TYW1B: variants seen among roughly 807,000 people sequenced by gnomAD.
TYW1B encodes the protein tRNA-yW synthesizing protein 1 homolog B.
Under a neutral mutation model 86.9 loss-of-function variants are expected in TYW1B, and 73 were observed. That is an observed-to-expected ratio of 0.84 (90% confidence interval 0.70 to 1.02). The LOEUF (loss-of-function observed/expected upper bound fraction) is 1.02, where lower values mean the gene tolerates loss of function less well. TYW1B is among the 50% of genes least tolerant of loss of function. The pLI is 0.00. For synonymous variants in TYW1B, 248 were observed against 292.8 expected, an observed-to-expected ratio of 0.85 and a Z score of 1.56; for missense variants, 637 against 827.4, an observed-to-expected ratio of 0.77 and a Z score of 2.82.
chr7:72,619,484 A>G (rs1554437560), intron 12 of TYW1B, among the ~76,000 whole-genome samples: 2 of 151,712 alleles, frequency 1.3e-5, no homozygotes, highest in East Asian at 1.9e-4. Flanking sequence ...TACTAAAAAT[A>G]CAAAAAATTA....
chr7:72,609,078 A>C (rs1811869175), intron 13 of TYW1B, among the ~76,000 whole-genome samples: 1 of 152,214 alleles, frequency 6.6e-6, no homozygotes, highest in Non-Finnish European at 1.5e-5. Context: ...GGGGGAAACT[A>C]CATGAAGGGT....
chr7:72,685,587 C>G (rs1176638080), intron 11 of TYW1B, among the ~76,000 whole-genome samples: 2 of 136,334 alleles, frequency 1.5e-5, no homozygotes, highest in Non-Finnish European at 3.2e-5. Flanking sequence ...ACAAATAGTG[C>G]TGGAACTAGA....
rs1788222471 is a variant in TYW1B, at chr7:72,791,679, A to C, written c.846+10721T>G. Among the ~76,000 whole-genome samples, 8 of 152,274 alleles carry C rather than the reference A, an allele frequency of 5.3e-5. No individual in the cohort carries two copies. The South Asian group carries it at 1.7e-3, about 32-fold the overall frequency. On this transcript the variant is annotated intron_variant, in intron 6 of 13. Coordinates refer to ENST00000620995, the MANE Select transcript of TYW1B (RefSeq NM_001145440.3). ...GTAGTCCCAGCTACTCGGGAGGCTA[A>C]AGCAGGAGAATCGCTTGAACCTGGA... is the stretch of plus-strand genomic sequence containing the variant.
intron 12 of TYW1B, among the ~76,000 whole-genome samples, chr7:72,619,815 T>C (rs1183553729): frequency 5.3e-5 from 8 of 152,222 alleles, no homozygotes; most frequent in African/African-American, 1.9e-4. Flanking sequence ...CAAACAACCA[T>C]GTATGCAGTA....
At position 72,815,683 on chromosome 7, in the gene TYW1B, C is replaced by G. The variant is rs149521503; in HGVS notation, c.136-202G>C. On this transcript the variant is annotated intron_variant, in intron 2 of 13. Coordinates refer to ENST00000620995, the MANE Select transcript of TYW1B (RefSeq NM_001145440.3). The stretch of plus-strand genomic sequence containing the variant: ...TTCAATTGTGTTGTTCTCACCCGAT[C>G]AGGGTTTACGTAGGACTGAATCTAA... Among the ~76,000 whole-genome samples the G allele has an allele frequency of 3.1e-3, 478 of 152,218 alleles. 4 individuals are homozygous for G. The highest frequency in any genetic ancestry group is 0.011 in the African/African-American group (444 of 41,548).
At position 72,632,346 on chromosome 7, in the gene TYW1B, T is replaced by TTATATATATACG. The variant is rs1315850269; in HGVS notation, c.1507-3350_1507-3349insCGTATATATATA. On this transcript the variant is annotated intron_variant, in intron 11 of 13. Coordinates refer to ENST00000620995, the MANE Select transcript of TYW1B (RefSeq NM_001145440.3). Reference sequence around the variant, plus strand: ...TTATATATATATACACGTATATATATTATATATATTATATATATACGCATA... The same window carrying TTATATATATACG: ...TTATATATATATACACGTATATATATTATATATATACGTATATATATTATATATATACGCATA... Among the ~76,000 whole-genome samples the TTATATATATACG allele has an allele frequency of 1.1e-4, 11 of 103,580 alleles. No homozygotes were observed. In the South Asian group the frequency reaches 2.2e-3, roughly 20 times the overall value. 68.0% of individuals were successfully genotyped at this position (103,580 alleles called of 152,430 possible).
chr7:72,802,615 C>G, intron 5 of TYW1B, 93 bp from the exon 6 acceptor site: 1 of 1,482,710 alleles, frequency 6.7e-7, no homozygotes, highest in Non-Finnish European at 8.9e-7. Context: ...CACTATGTCT[C>G]TAAATTCTTT....
intron 6 of TYW1B, among the ~76,000 whole-genome samples, chr7:72,779,854 C>T (rs1445857344): frequency 2.2e-5 from 3 of 134,422 alleles, no homozygotes. Flanking sequence ...TCAAATGTAC[C>T]AAATGAGAAA....
At chr7:72,735,729 G>T (rs1275897883) in intron 8 of TYW1B, among the ~76,000 whole-genome samples, 13 of 151,998 alleles carry the variant, frequency 8.6e-5, no homozygotes, top group Admixed American at 2.0e-4. Context: ...AATTATCCGG[G>T]CTTGGTGGCG....
At chr7:72,733,434 C>T (rs1221256273) in intron 8 of TYW1B, among the ~76,000 whole-genome samples, 2 of 152,140 alleles carry the variant, frequency 1.3e-5, no homozygotes, top group Non-Finnish European at 2.9e-5. Context: ...CCAAGGCGGG[C>T]GGATCATGAA....
At chr7:72,810,940 C>T (rs112467331) in intron 3 of TYW1B, among the ~76,000 whole-genome samples, 3 of 152,076 alleles carry the variant, frequency 2.0e-5, no homozygotes, top group African/African-American at 7.2e-5. Flanking sequence ...CTCATCATTG[C>T]TGATTTGCCA....
At chr7:72,681,146 C>T (rs781935089) in intron 11 of TYW1B, among the ~76,000 whole-genome samples, 7 of 152,168 alleles carry the variant, frequency 4.6e-5, no homozygotes, top group Non-Finnish European at 8.8e-5. Context: ...CCTTGGTAGC[C>T]TTGTTTCAGA....
At chr7:72,670,903 A>C (rs1414910529) in intron 11 of TYW1B, among the ~76,000 whole-genome samples, 2 of 152,184 alleles carry the variant, frequency 1.3e-5, no homozygotes, top group African/African-American at 4.8e-5. Context: ...AATATACACG[A>C]TGTATTTTTA....
chr7:72,703,907 T>C (rs1225816036), intron 10 of TYW1B, among the ~76,000 whole-genome samples: 3 of 151,522 alleles, frequency 2.0e-5, no homozygotes, highest in Non-Finnish European at 2.9e-5. Context: ...TATTCCAAAG[T>C]TTCTGGTTGG....
intron 11 of TYW1B, among the ~76,000 whole-genome samples, chr7:72,653,857 G>A (rs1447200761): frequency 1.3e-5 from 2 of 152,104 alleles, no homozygotes; most frequent in African/African-American, 4.8e-5. Flanking sequence ...CGAAGCGGGT[G>A]GATCACAAGG....
intron 9 of TYW1B, among the ~76,000 whole-genome samples, chr7:72,727,084 G>A (rs1157931254): frequency 6.6e-6 from 1 of 152,114 alleles, no homozygotes; most frequent in Non-Finnish European, 1.5e-5. Flanking sequence ...GGGGATTACG[G>A]AGATTACAAT....
At chr7:72,766,182 C>T (rs1282065680) in intron 7 of TYW1B, among the ~76,000 whole-genome samples, 4 of 152,246 alleles carry the variant, frequency 2.6e-5, no homozygotes, top group African/African-American at 7.2e-5. Context: ...CAGCTCATAA[C>T]GTTACAGCAG....
chr7:72,814,765 A>G (rs1788689963), intron 3 of TYW1B, among the ~76,000 whole-genome samples: 1 of 151,420 alleles, frequency 6.6e-6, no homozygotes, highest in African/African-American at 2.4e-5. Context: ...TAAATTCAAA[A>G]AAAATAAAAA....
At chr7:72,806,950 G>C in intron 5 of TYW1B, 116 bp downstream of exon 5, 1 of 1,405,676 alleles carries the variant, frequency 7.1e-7, no homozygotes, top group Non-Finnish European at 9.6e-7. Context: ...ACTGCACTCA[G>C]CCAGATCTTC....
Sources: gnomAD v4.1 joint callset for allele counts (sites outside exome capture counted in the v4.1 genomes callset) on GRCh38, gnomAD v4.1.1 for gene constraint, MANE v1.5 for transcripts, NCBI Gene and HGNC (gene_info 2026-07-23, HGNC 2026-07-21) for gene names.